Variants in FRMD4A observed in about 807,000 individuals in gnomAD.
FRMD4A encodes the protein FERM domain-containing protein 4A.
FRMD4A carries 29 observed loss-of-function variants against 129.1 expected under a neutral mutation model. The observed-to-expected ratio is 0.22, with a 90% CI of 0.17 to 0.31. The LOEUF is 0.31. Ranked by LOEUF, FRMD4A falls within the 10% of genes least tolerant of loss-of-function variation. The pLI is 1.00. For missense variants in FRMD4A, 1,272 were observed against 1,375.8 expected (o/e 0.92, Z 1.19); for synonymous variants, 634 against 571.6 (o/e 1.11, Z -1.56).
intron 2 of FRMD4A, among the ~76,000 whole-genome samples, chr10:14,125,829 G>T (rs1225812575): frequency 6.6e-6 from 1 of 150,604 alleles, no homozygotes; most frequent in African/African-American, 2.5e-5. Context: ...AGCATTAGTA[G>T]GTAAGTCTGC....
chr10:14,108,014 A>C (rs988191324), intron 2 of FRMD4A, among the ~76,000 whole-genome samples: 2 of 152,180 alleles, frequency 1.3e-5, no homozygotes, highest in African/African-American at 4.8e-5. Flanking sequence ...TTTGCTATAC[A>C]TGTTGTCAAA....
intron 2 of FRMD4A, among the ~76,000 whole-genome samples, chr10:14,025,388 G>C (rs776641076): frequency 6.6e-6 from 1 of 151,568 alleles, no homozygotes; most frequent in Non-Finnish European, 1.5e-5. Flanking sequence ...TAAGTGTACT[G>C]TTCCGTAGTG....
At position 13,770,405 on chromosome 10, in the gene FRMD4A, G is replaced by A. The variant is rs191805906; in HGVS notation, c.385-7725C>T. Among the ~76,000 whole-genome samples, 46 of 152,128 alleles carry A rather than the reference G, an allele frequency of 3.0e-4. 2 individuals carry two copies. The East Asian group carries it at 6.2e-3, about 20-fold the overall frequency. ...GCCCATGTCAGGATCTCAAGGAATC[G>A]TTCTTTTATTAACTTATATTTTAAA... On this transcript the variant is annotated intron_variant, in intron 6 of 24. Coordinates refer to ENST00000357447, the MANE Select transcript of FRMD4A (RefSeq NM_018027.5).
chr10:13,917,529 A>G (rs1463401234), intron 2 of FRMD4A, among the ~76,000 whole-genome samples: 3 of 152,016 alleles, frequency 2.0e-5, no homozygotes, highest in Non-Finnish European at 4.4e-5. Flanking sequence ...GCCTCAAGCA[A>G]TCCACCTGCC....
At chr10:14,061,010 C>T (rs1179567853) in intron 2 of FRMD4A, among the ~76,000 whole-genome samples, 1 of 137,702 alleles carries the variant, frequency 7.3e-6, no homozygotes, top group Admixed American at 7.4e-5. Context: ...AGAGCACTTA[C>T]AAACCAATAA....
chr10:14,069,006 T>A (rs370347517), intron 2 of FRMD4A, among the ~76,000 whole-genome samples: 6 of 152,206 alleles, frequency 3.9e-5, no homozygotes, highest in African/African-American at 1.4e-4. Flanking sequence ...TTGTTTTCTG[T>A]CCTCAGTGGC....
intron 3 of FRMD4A, among the ~76,000 whole-genome samples, chr10:13,851,250 A>G (rs1417881706): frequency 6.6e-6 from 1 of 152,202 alleles, no homozygotes; most frequent in Admixed American, 6.5e-5. Context: ...AAAGAAAAAG[A>G]ATTGTAAAAT....
intron 3 of FRMD4A, among the ~76,000 whole-genome samples, chr10:13,832,842 G>C (rs2093812153): frequency 6.6e-6 from 1 of 152,102 alleles, no homozygotes; most frequent in South Asian, 2.1e-4. Context: ...GTCTTGCTAT[G>C]TTGCCCAGAC....
At chr10:13,989,442 G>A (rs901414036) in intron 2 of FRMD4A, among the ~76,000 whole-genome samples, 5 of 152,078 alleles carry the variant, frequency 3.3e-5, no homozygotes, top group African/African-American at 9.6e-5. Context: ...TGCAACTTCC[G>A]CCTCCCGGGT....
At chr10:14,237,651 G>T (rs1420587376) in intron 2 of FRMD4A, among the ~76,000 whole-genome samples, 1 of 151,608 alleles carries the variant, frequency 6.6e-6, no homozygotes, top group East Asian at 1.9e-4. Flanking sequence ...CTCTGCTGTT[G>T]AGAGAGAGAC....
chr10:13,978,008 C>G (rs2095548014), intron 2 of FRMD4A, among the ~76,000 whole-genome samples: 1 of 152,152 alleles, frequency 6.6e-6, no homozygotes. Flanking sequence ...TGGGCACATA[C>G]CTCGGAGTGG....
In FRMD4A at chr10:13,701,493, A is replaced by C. The variant is rs756447630; in HGVS notation, c.837-15T>G. The C allele has an allele frequency of 6.2e-7, 1 of 1,610,822 alleles. No homozygotes were observed. Among genetic ancestry groups the C allele is most frequent in the South Asian group, 1.1e-5 (1 of 90,676 alleles). On this transcript the variant is annotated splice_polypyrimidine_tract_variant and intron_variant, in intron 13 of 24. Transcript: ENST00000357447. ...TCACTGAAGCCCTGGGGAAGCAAGA[A>C]TCACAAGGTTCAATCCCATTTCTGT... is the stretch of plus-strand genomic sequence containing the variant.
chr10:14,325,818 A>G (rs1004689316), intron 2 of FRMD4A, among the ~76,000 whole-genome samples: 6 of 152,232 alleles, frequency 3.9e-5, no homozygotes, highest in Non-Finnish European at 7.3e-5. Flanking sequence ...AAATGAAATG[A>G]GGGAGATAAA....
At chr10:13,716,357 C>T (rs2088806009) in intron 12 of FRMD4A, among the ~76,000 whole-genome samples, 1 of 152,166 alleles carries the variant, frequency 6.6e-6, no homozygotes, top group Non-Finnish European at 1.5e-5. Context: ...ACAGAGTGGG[C>T]TATAATGGGA....
At chr10:14,161,829 T>C in intron 2 of FRMD4A, among the ~76,000 whole-genome samples, 1 of 152,148 alleles carries the variant, frequency 6.6e-6, no homozygotes, top group East Asian at 1.9e-4. Flanking sequence ...CACAAAGAAA[T>C]GATAAATGTT....
At chr10:14,119,067 T>C (rs761525732) in intron 2 of FRMD4A, among the ~76,000 whole-genome samples, 7 of 152,118 alleles carry the variant, frequency 4.6e-5, no homozygotes, top group Non-Finnish European at 1.0e-4. Flanking sequence ...CAACTGAGCA[T>C]GCAGATCAAG....
At chr10:14,289,878 A>C (rs974487694) in intron 2 of FRMD4A, among the ~76,000 whole-genome samples, 8 of 152,058 alleles carry the variant, frequency 5.3e-5, no homozygotes, top group East Asian at 1.9e-4. Flanking sequence ...CACACACACA[A>C]AAAAAACTCT....
chr10:13,676,270 CT>C (rs1208513827), intron 15 of FRMD4A, among the ~76,000 whole-genome samples: 4 of 148,254 alleles, frequency 2.7e-5, no homozygotes, highest in African/African-American at 5.0e-5. Flanking sequence ...TTTTCTTTTT[CT>C]TTTTTTTTTC....
chr10:14,207,823 T>C (rs1383495004), intron 2 of FRMD4A, among the ~76,000 whole-genome samples: 3 of 152,108 alleles, frequency 2.0e-5, no homozygotes, highest in African/African-American at 7.2e-5. Context: ...CTTTATACTG[T>C]TTACATTTTC....
Sources: gnomAD v4.1 joint callset for allele counts (sites outside exome capture counted in the v4.1 genomes callset) on GRCh38, gnomAD v4.1.1 for gene constraint, MANE v1.5 for transcripts, NCBI Gene and HGNC (gene_info 2026-07-23, HGNC 2026-07-21) for gene names.